Variants in EPB41L4A observed in about 807,000 individuals in gnomAD.
EPB41L4A encodes band 4.1-like protein 4A.
EPB41L4A carries 100 observed loss-of-function variants against 108.6 expected under a neutral mutation model. That is an observed-to-expected ratio of 0.92 (90% CI 0.78 to 1.09). The LOEUF is 1.09. EPB41L4A is among the 50% of genes least tolerant of loss of function. EPB41L4A has a pLI of 0.00. For missense variants in EPB41L4A, 1,030 were observed against 842.7 expected (o/e 1.22, Z -2.75); for synonymous variants, 319 against 289.0 (o/e 1.10, Z -1.05).
chr5:112,275,556 C>A, intron 3 of EPB41L4A, 152 bp from the exon 4 acceptor site: 2 of 956,204 alleles, frequency 2.1e-6, no homozygotes, highest in Non-Finnish European at 2.9e-6. Flanking sequence ...AGAACTGTGA[C>A]GATAGGACCT....
Position 112,163,791 on chromosome 5 carries a change from CTTAAAT to C in EPB41L4A, c.*1193_*1198del, listed in dbSNP as rs985755023. On this transcript the variant is annotated 3_prime_UTR_variant, in exon 23 of 23. Coordinates refer to ENST00000261486, the MANE Select transcript of EPB41L4A (RefSeq NM_022140.5). The stretch of plus-strand genomic sequence containing the variant: ...AAAGATAGTTTTGTTTAATCTTAGT[CTTAAAT>C]TTAAAACCAAGTAGCAAGGATCTAG... 6.6e-5 allele frequency: 10 copies of C among 152,040 alleles called. No individual in the cohort carries two copies. Among genetic ancestry groups the C allele is most frequent in the Non-Finnish European group, 1.3e-4 (9 of 68,026 alleles). The allele number at this position is 152,040 out of a possible 1,614,324, so 9.4% of individuals were successfully genotyped here. A position where few individuals can be genotyped will look rare whatever the true frequency, so the allele number is the denominator to read the frequency against.
At chr5:112,223,646 G>A (rs1348722033) in intron 12 of EPB41L4A, among the ~76,000 whole-genome samples, 1 of 152,290 alleles carries the variant, frequency 6.6e-6, no homozygotes, top group East Asian at 1.9e-4. Context: ...AACAACTGCC[G>A]AGGTAGAGCC....
intron 1 of EPB41L4A, among the ~76,000 whole-genome samples, chr5:112,403,903 C>T (rs989453723): frequency 1.3e-5 from 2 of 152,160 alleles, no homozygotes; most frequent in African/African-American, 4.8e-5. Context: ...GAGTTATTTT[C>T]AGCTACGACC....
rs867138416 is a variant in EPB41L4A, at chr5:112,146,393, C to T, written n.995-395G>A. 7.2e-5 allele frequency among the ~76,000 whole-genome samples: 11 copies of T among 152,280 alleles called. No homozygotes were observed. In the South Asian group the frequency reaches 2.3e-3, roughly 32 times the overall value. On this transcript the variant is annotated intron_variant and non_coding_transcript_variant, in intron 12 of 13. Coordinates refer to the EPB41L4A transcript ENST00000507810. ...ATGAACAGCCCACTCATTAGAAACC[C>T]AGGTTTTGTGTTTAGTGCTGTTTGA... is the stretch of plus-strand genomic sequence containing the variant.
At chr5:112,210,025 G>T in intron 12 of EPB41L4A, 43 bp from the exon 13 acceptor site, 3 of 1,182,174 alleles carry the variant, frequency 2.5e-6, no homozygotes. Context: ...AGAGGAAACA[G>T]TGATAAGGAA....
In EPB41L4A at chr5:112,165,094, G is replaced by A; in HGVS notation, c.1957C>T (p.Leu653=). ...HQRRNGSKDS[L]MEEKPQTSTN... is the part of the protein sequence containing the mutation. The stretch of plus-strand genomic sequence containing the variant: ...GATGTCTGAGGTTTTTCTTCCATCA[G>A]GCTATCTTTAGACCCATTTCTTCTC... The change falls in exon 23 of 23, where the codon CTG becomes TTG. Residue 653 remains leucine (L), a synonymous_variant. Coordinates refer to ENST00000261486, the MANE Select transcript of EPB41L4A (RefSeq NM_022140.5). The A allele has an allele frequency of 3.1e-6, 5 of 1,588,184 alleles. No homozygotes were observed. Among genetic ancestry groups the A allele is most frequent in the African/African-American group, 1.5e-5 (1 of 66,644 alleles).
chr5:112,149,429 G>A (rs1383373876), intron 12 of EPB41L4A, among the ~76,000 whole-genome samples: 4 of 152,138 alleles, frequency 2.6e-5, no homozygotes, highest in Non-Finnish European at 2.9e-5. Flanking sequence ...CTGAGATCGC[G>A]CCACTGCACT....
downstream of EPB41L4A, among the ~76,000 whole-genome samples, chr5:112,159,218 T>C (rs2112830783): frequency 6.6e-6 from 1 of 152,328 alleles, no homozygotes; most frequent in South Asian, 2.1e-4. Context: ...TACAAAAAGC[T>C]GTATTTAATG....
At chr5:112,256,428 A>G (rs1751100755) in intron 9 of EPB41L4A, among the ~76,000 whole-genome samples, 1 of 152,198 alleles carries the variant, frequency 6.6e-6, no homozygotes, top group African/African-American at 2.4e-5. Context: ...TGCAAGTGAT[A>G]TACCTATAAA....
chr5:112,307,972 C>A (rs1487329284), intron 1 of EPB41L4A, among the ~76,000 whole-genome samples: 3 of 151,986 alleles, frequency 2.0e-5, no homozygotes, highest in Non-Finnish European at 4.4e-5. Flanking sequence ...AATAATAAAC[C>A]CATAGATTAA....
At chr5:112,214,216 T>C (rs1015508460) in intron 12 of EPB41L4A, among the ~76,000 whole-genome samples, 4 of 152,196 alleles carry the variant, frequency 2.6e-5, no homozygotes, top group Non-Finnish European at 4.4e-5. Flanking sequence ...TATGTCTTCA[T>C]GTATTATGTA....
intron 1 of EPB41L4A, among the ~76,000 whole-genome samples, chr5:112,394,347 T>A (rs529106237): frequency 4.6e-5 from 7 of 152,230 alleles, no homozygotes; most frequent in African/African-American, 1.7e-4. Flanking sequence ...AACACCATAA[T>A]CTCGGCCCAA....
intron 9 of EPB41L4A, among the ~76,000 whole-genome samples, chr5:112,243,910 A>C (rs1265717954): frequency 6.6e-6 from 1 of 152,226 alleles, no homozygotes; most frequent in East Asian, 1.9e-4. Context: ...ATTAGCAGTA[A>C]GACTGTTTTG....
chr5:112,418,740 C>T (rs1017801971), intron 1 of EPB41L4A, among the ~76,000 whole-genome samples: 1 of 152,134 alleles, frequency 6.6e-6, no homozygotes, highest in African/African-American at 2.4e-5. Flanking sequence ...TCAAACTCAA[C>T]TTTGCTTTAT....
chr5:112,336,912 G>C (rs548796857), intron 1 of EPB41L4A, among the ~76,000 whole-genome samples: 1 of 152,244 alleles, frequency 6.6e-6, no homozygotes, highest in African/African-American at 2.4e-5. Context: ...TTTCATTAGA[G>C]ACTTCCCTTT....
rs533088526 is a variant in EPB41L4A at position 112,417,687 on chromosome 5, T to G, written c.99+1254A>C. On this transcript the variant is annotated intron_variant, in intron 1 of 22. Transcript: ENST00000261486. ...ATTGGTCTTGAAAGGAAATACCGAA[T>G]GAGAATCGAACTGAATTTTGCTCAG... 1.1e-4 allele frequency among the ~76,000 whole-genome samples: 17 copies of G among 152,264 alleles called. No homozygotes were observed. The East Asian group carries it at 3.3e-3, about 29-fold the overall frequency.
intron 13 of EPB41L4A, among the ~76,000 whole-genome samples, chr5:112,207,898 G>A (rs1762546873): frequency 6.6e-6 from 1 of 152,108 alleles, no homozygotes; most frequent in Admixed American, 6.5e-5. Context: ...ACCACCATTT[G>A]ATCCAACAAT....
chr5:112,264,259 C>T (rs1751690903), intron 6 of EPB41L4A: 1 of 152,088 alleles, frequency 6.6e-6, no homozygotes, highest in African/African-American at 2.4e-5. Context: ...TGCTATAGGC[C>T]ATGAATTGAA....
At chr5:112,363,026 T>C (rs931153941) in intron 1 of EPB41L4A, among the ~76,000 whole-genome samples, 4 of 152,132 alleles carry the variant, frequency 2.6e-5, no homozygotes, top group African/African-American at 9.7e-5. Context: ...CCTACCTGAG[T>C]CCTGACTTCT....
Sources: gnomAD v4.1 joint callset for allele counts (sites outside exome capture counted in the v4.1 genomes callset) on GRCh38, gnomAD v4.1.1 for gene constraint, MANE v1.5 for transcripts, NCBI Gene and HGNC (gene_info 2026-07-23, HGNC 2026-07-21) for gene names.